COP1: variants seen among roughly 807,000 people sequenced by gnomAD.
COP1 encodes COP1 E3 ubiquitin ligase.
A neutral mutation model predicts 101.3 loss-of-function variants in COP1; 24 were observed. That is an observed-to-expected ratio of 0.24 (90% CI 0.17 to 0.33). COP1 has a LOEUF of 0.33. Ranked by LOEUF, COP1 falls within the 10% of genes least tolerant of loss-of-function variation. The pLI is 1.00. For missense variants in COP1, 663 were observed against 906.2 expected (o/e 0.73, Z 3.45); for synonymous variants, 347 against 341.9 (o/e 1.01, Z -0.17).
chr1:176,100,271 C>A, intron 9 of COP1: 1 of 232,710 alleles, frequency 4.3e-6, no homozygotes, highest in South Asian at 4.1e-5. Context: ...CGCCGGTAAT[C>A]CCAGCTACTT....
At chr1:176,179,059 G>A (rs1456885941) in intron 2 of COP1, among the ~76,000 whole-genome samples, 1 of 152,138 alleles carries the variant, frequency 6.6e-6, no homozygotes, top group Admixed American at 6.5e-5. Flanking sequence ...GGAGGCCACG[G>A]TGGGTGGATC....
intron 11 of COP1, among the ~76,000 whole-genome samples, chr1:176,079,089 T>C (rs1444603372): frequency 1.3e-5 from 2 of 152,118 alleles, no homozygotes; most frequent in Admixed American, 1.3e-4. Flanking sequence ...AGATTTGTCA[T>C]GTAAGTTACA....
intron 15 of COP1, among the ~76,000 whole-genome samples, chr1:175,991,023 C>T (rs962779466): frequency 1.3e-5 from 2 of 151,938 alleles, no homozygotes; most frequent in Admixed American, 1.3e-4. Flanking sequence ...ATCCCAAATC[C>T]TTGCTTTTGG....
chr1:176,201,529 AG>A lies in COP1; in HGVS notation c.407+5042del, dbSNP rs574863976. Among the ~76,000 whole-genome samples the A allele has an allele frequency of 3.2e-3, 491 of 152,334 alleles. 2 individuals are homozygous for A. Among genetic ancestry groups the A allele is most frequent in the Non-Finnish European group, 5.7e-3 (388 of 68,016 alleles). On this transcript the variant is annotated intron_variant, in intron 1 of 19. Transcript: ENST00000367669. Reference sequence around the variant, plus strand: ...TGTAATGTTGGCTCATTATCAGAAAAGGTATAAAGATTTGTAAAAGGAAAAG... The same window carrying A: ...TGTAATGTTGGCTCATTATCAGAAAAGTATAAAGATTTGTAAAAGGAAAAG...
rs1282844556 is a variant in COP1, at chr1:176,207,273, G to C, written c.-295C>G. On this transcript the variant is annotated 5_prime_UTR_variant, in exon 1 of 20. Coordinates refer to ENST00000367669, the MANE Select transcript of COP1 (RefSeq NM_022457.7). ...CCCGGCGCGCCGTGGCCGGCCGTGC[G>C]CGCGCGCGCGAGCGGCGGAAGAGGC... 1 of 388,054 alleles carries C rather than the reference G, an allele frequency of 2.6e-6. No individual in the cohort carries two copies. The highest frequency in any genetic ancestry group is 4.5e-5 in the Admixed American group (1 of 22,200). 24.0% of individuals were successfully genotyped at this position (388,054 alleles called of 1,614,324 possible). A position where few individuals can be genotyped will look rare whatever the true frequency, so the allele number is the denominator to read the frequency against.
intron 15 of COP1, among the ~76,000 whole-genome samples, chr1:176,012,878 A>G (rs1439742164): frequency 6.6e-6 from 1 of 152,178 alleles, no homozygotes; most frequent in Non-Finnish European, 1.5e-5. Flanking sequence ...CCACAATGAC[A>G]AAATCTAATG....
At chr1:176,128,311 A>G (rs1195356854) in intron 8 of COP1, among the ~76,000 whole-genome samples, 2 of 152,030 alleles carry the variant, frequency 1.3e-5, no homozygotes, top group Non-Finnish European at 2.9e-5. Flanking sequence ...TTACCTATCA[A>G]TTTTAATGAG....
At chr1:175,999,794 A>G (rs1314054760) in intron 15 of COP1, among the ~76,000 whole-genome samples, 1 of 151,998 alleles carries the variant, frequency 6.6e-6, no homozygotes, top group Non-Finnish European at 1.5e-5. Flanking sequence ...ACTTTTGGAT[A>G]AGTCATTTTA....
chr1:176,036,901 T>C (rs1474113358), intron 14 of COP1, among the ~76,000 whole-genome samples: 2 of 152,226 alleles, frequency 1.3e-5, no homozygotes, highest in Non-Finnish European at 1.5e-5. Context: ...GAGCATTTTA[T>C]GGACTTTGAT....
chr1:175,945,315 T>C (rs1176047571), intron 19 of COP1, 145 bp from the exon 20 acceptor site: 8 of 615,050 alleles, frequency 1.3e-5, no homozygotes, highest in South Asian at 2.3e-5. Context: ...TTTGAATGGA[T>C]TGGACATTAA....
rs1055724128 is a variant in COP1 at position 175,986,806 on chromosome 1, C to G, written c.2133+137G>C. 3 of 607,356 alleles carry G rather than the reference C, an allele frequency of 4.9e-6. No individual in the cohort carries two copies. The Admixed American group carries it at 1.0e-4, about 21-fold the overall frequency. 37.6% of individuals were successfully genotyped at this position (607,356 alleles called of 1,614,324 possible). On this transcript the variant is annotated intron_variant, in intron 18 of 19. Coordinates refer to ENST00000367669, the MANE Select transcript of COP1 (RefSeq NM_022457.7). ...AATCACTACCTAAAATGCCTATTGTCTTTGGTGACACATTACAAAGTTTTT... is the reference window on the plus strand; with the variant it reads ...AATCACTACCTAAAATGCCTATTGTGTTTGGTGACACATTACAAAGTTTTT...
At chr1:176,059,527 G>T (rs1674475484) in intron 11 of COP1, among the ~76,000 whole-genome samples, 1 of 151,758 alleles carries the variant, frequency 6.6e-6, no homozygotes, top group Admixed American at 6.6e-5. Flanking sequence ...CTGTTGCCCA[G>T]GCTGGACTGT....
intron 9 of COP1, among the ~76,000 whole-genome samples, chr1:176,095,441 G>C (rs1262099027): frequency 6.6e-6 from 1 of 152,178 alleles, no homozygotes; most frequent in African/African-American, 2.4e-5. Flanking sequence ...CCAGCTCTTT[G>C]GGAGGCCAAG....
rs1353392740 is a variant in COP1, at chr1:176,099,525, CTCTCTCTCTCTCTCT to C, written c.1027-13650_1027-13636del. ...TATTTGTCTCTCTCTCTCTCTCTCT[CTCTCTCTCTCTCTCT>C]CCCTGGCTTCTCCAGAATTTGGAAA... On this transcript the variant is annotated intron_variant, in intron 9 of 19. Transcript: ENST00000367669. 6.3e-3 allele frequency among the ~76,000 whole-genome samples: 944 copies of C among 150,630 alleles called. 15 individuals carry two copies. The highest frequency in any genetic ancestry group is 0.022 in the African/African-American group (891 of 41,330).
intron 6 of COP1, among the ~76,000 whole-genome samples, chr1:176,138,714 A>G (rs1242701117): frequency 6.6e-6 from 1 of 152,082 alleles, no homozygotes; most frequent in East Asian, 1.9e-4. Flanking sequence ...TTCCACCATA[A>G]CATAAAAACC....
chr1:176,129,477 A>C (rs1688568475), intron 8 of COP1, among the ~76,000 whole-genome samples: 2 of 151,896 alleles, frequency 1.3e-5, no homozygotes, highest in Non-Finnish European at 3.0e-5. Context: ...AATCAACAGC[A>C]ATCTCTTATC....
intron 3 of COP1, among the ~76,000 whole-genome samples, chr1:176,171,687 TA>T (rs141211507): frequency 8.0e-5 from 12 of 150,382 alleles, no homozygotes; most frequent in South Asian, 2.1e-4. Context: ...TTCAATTTGT[TA>T]AAAAAAATGC....
At chr1:175,986,884 G>A (rs750650744) in intron 18 of COP1, 59 bp downstream of exon 18, 4 of 1,275,112 alleles carry the variant, frequency 3.1e-6, no homozygotes, top group Admixed American at 2.5e-5. Context: ...ATCAAACCCT[G>A]TGTATACATA....
At chr1:176,198,178 A>C (rs560415867) in intron 1 of COP1, among the ~76,000 whole-genome samples, 2 of 152,324 alleles carry the variant, frequency 1.3e-5, no homozygotes, top group Non-Finnish European at 2.9e-5. Context: ...AAAGAACATA[A>C]ATAATCAAAA....
Sources: gnomAD v4.1 joint callset for allele counts (sites outside exome capture counted in the v4.1 genomes callset) on GRCh38, gnomAD v4.1.1 for gene constraint, MANE v1.5 for transcripts, NCBI Gene and HGNC (gene_info 2026-07-23, HGNC 2026-07-21) for gene names.